Variants in SLC39A11 observed in about 807,000 individuals in gnomAD.
SLC39A11 encodes the protein solute carrier family 39 member 11.
SLC39A11 carries 33 observed loss-of-function variants against 36.1 expected under a neutral mutation model. The ratio of observed to expected loss-of-function variants is 0.91; its 90% confidence interval spans 0.69 to 1.22. The LOEUF is 1.22. Among genes scored for constraint, SLC39A11 ranks in the 50% most tolerant of loss-of-function variants. The probability of loss-of-function intolerance (pLI) is 0.00; values close to 1 mark genes in which losing one functional copy is unlikely to be tolerated. For synonymous variants in SLC39A11, 166 were observed against 170.3 expected, an observed-to-expected ratio of 0.97 and a Z score of 0.20; for missense variants, 432 against 430.3, an observed-to-expected ratio of 1.00 and a Z score of -0.03.
At chr17:72,790,930 G>A (rs1326309536) in intron 6 of SLC39A11, among the ~76,000 whole-genome samples, 1 of 152,168 alleles carries the variant, frequency 6.6e-6, no homozygotes, top group Non-Finnish European at 1.5e-5. Context: ...CAAATGGTGA[G>A]GCCAATCCAT....
intron 6 of SLC39A11, among the ~76,000 whole-genome samples, chr17:72,741,104 C>T (rs2144103057): frequency 6.6e-6 from 1 of 152,348 alleles, no homozygotes; most frequent in African/African-American, 2.4e-5. Context: ...ACGCCCGCAA[C>T]ACTTGAGCTC....
intron 5 of SLC39A11, among the ~76,000 whole-genome samples, chr17:72,946,523 A>G (rs930911609): frequency 6.6e-6 from 1 of 152,238 alleles, no homozygotes; most frequent in African/African-American, 2.4e-5. Flanking sequence ...AAATGCCAGC[A>G]TGGAAATGGG....
intron 6 of SLC39A11, among the ~76,000 whole-genome samples, chr17:72,793,147 T>C (rs1370014262): frequency 3.3e-5 from 5 of 152,056 alleles, no homozygotes; most frequent in African/African-American, 1.2e-4. Context: ...TTTAGGAAGA[T>C]AATTCTGGGG....
chr17:72,811,338 T>G (rs536415459), intron 6 of SLC39A11, among the ~76,000 whole-genome samples: 2 of 152,318 alleles, frequency 1.3e-5, no homozygotes, highest in South Asian at 4.1e-4. Context: ...ATGACCTAAT[T>G]ACCTCCTGAC....
chr17:72,837,778 A>C (rs2078631666), intron 6 of SLC39A11: 1 of 396,250 alleles, frequency 2.5e-6, no homozygotes, highest in Admixed American at 4.8e-5. Flanking sequence ...CAAGTGAAAG[A>C]AACCAGACAC....
chr17:73,063,793 C>G (rs1158338310), intron 3 of SLC39A11, among the ~76,000 whole-genome samples: 2 of 152,174 alleles, frequency 1.3e-5, no homozygotes, highest in Non-Finnish European at 2.9e-5. Context: ...GCCATCAGCC[C>G]ATGGATACTC....
At chr17:72,732,620 C>T (rs116740097) in intron 7 of SLC39A11, among the ~76,000 whole-genome samples, 5 of 152,128 alleles carry the variant, frequency 3.3e-5, no homozygotes, top group South Asian at 2.1e-4. Context: ...ATCTTTCCTG[C>T]GCAGCGGCAT....
intron 8 of SLC39A11, 35 bp downstream of exon 8, chr17:72,649,135 G>A (rs768760548): frequency 1.9e-6 from 3 of 1,593,208 alleles, no homozygotes; most frequent in South Asian, 2.2e-5. Context: ...CATGGAGGAT[G>A]CTGTGACATG....
chr17:72,704,097 T>G (rs1037274528), intron 7 of SLC39A11, among the ~76,000 whole-genome samples: 3 of 152,226 alleles, frequency 2.0e-5, no homozygotes, highest in Non-Finnish European at 2.9e-5. Flanking sequence ...CACTGTACTC[T>G]AGCCTGGACG....
chr17:72,679,398 AT>A (rs2071410663), intron 7 of SLC39A11, among the ~76,000 whole-genome samples: 1 of 152,216 alleles, frequency 6.6e-6, no homozygotes. Flanking sequence ...TTACCTATCA[AT>A]TAAAAATAAA....
At chr17:72,757,922 G>A (rs2075421892) in intron 6 of SLC39A11, among the ~76,000 whole-genome samples, 1 of 152,150 alleles carries the variant, frequency 6.6e-6, no homozygotes. Flanking sequence ...GTCTCACTCT[G>A]TCTCCCAGGC....
At chr17:72,794,533 C>T (rs2076827109) in intron 6 of SLC39A11, among the ~76,000 whole-genome samples, 1 of 152,030 alleles carries the variant, frequency 6.6e-6, no homozygotes, top group African/African-American at 2.4e-5. Flanking sequence ...GTGTCCTGTC[C>T]TCTGCCTATA....
At chr17:72,729,458 T>A (rs1282891272) in intron 7 of SLC39A11, among the ~76,000 whole-genome samples, 113 of 6,946 alleles carry the variant, frequency 0.016, 27 homozygotes, top group Non-Finnish European at 0.027. Flanking sequence ...TATATATATA[T>A]TTTTTTTTTT....
intron 5 of SLC39A11, among the ~76,000 whole-genome samples, chr17:72,916,392 C>T (rs1296687714): frequency 6.7e-6 from 1 of 149,326 alleles, no homozygotes; most frequent in African/African-American, 2.4e-5. Context: ...CCAATGAGCA[C>T]AGCTGGGAGT....
At chr17:72,670,688 G>C (rs2070985682) in intron 7 of SLC39A11, among the ~76,000 whole-genome samples, 1 of 152,142 alleles carries the variant, frequency 6.6e-6, no homozygotes, top group African/African-American at 2.4e-5. Context: ...TGGCCATTGG[G>C]AGCTCCTTCA....
At chr17:73,042,471 GAC>G (rs2059141032) in intron 3 of SLC39A11, among the ~76,000 whole-genome samples, 1 of 152,126 alleles carries the variant, frequency 6.6e-6, no homozygotes, top group Non-Finnish European at 1.5e-5. Flanking sequence ...ACTTAAGGAG[GAC>G]ACACAAACTT....
chr17:72,699,045 G>T (rs1055634376), intron 7 of SLC39A11, among the ~76,000 whole-genome samples: 2 of 152,104 alleles, frequency 1.3e-5, no homozygotes, highest in African/African-American at 4.8e-5. Context: ...TAGCCAGGAT[G>T]GTCTCGATCT....
chr17:72,900,162 AAAGAAAG>A (rs2082292379), intron 5 of SLC39A11, among the ~76,000 whole-genome samples: 3 of 59,702 alleles, frequency 5.0e-5, no homozygotes, highest in Admixed American at 3.2e-4. Context: ...GAAAAGAAAG[AAAGAAAG>A]AAAGAAAGAA....
At chr17:72,918,239 T>C (rs2083443097) in intron 5 of SLC39A11, among the ~76,000 whole-genome samples, 1 of 152,104 alleles carries the variant, frequency 6.6e-6, no homozygotes, top group Non-Finnish European at 1.5e-5. Context: ...TGAAACCTTG[T>C]CTCTACCAAA....
Sources: gnomAD v4.1 joint callset for allele counts (sites outside exome capture counted in the v4.1 genomes callset) on GRCh38, gnomAD v4.1.1 for gene constraint, MANE v1.5 for transcripts, NCBI Gene and HGNC (gene_info 2026-07-23, HGNC 2026-07-21) for gene names.